Variants in CORIN observed in about 807,000 individuals in gnomAD.
CORIN encodes the protein corin, serine peptidase, also known as atrial natriuretic peptide-converting enzyme.
A neutral mutation model predicts 125.3 loss-of-function variants in CORIN; 117 were observed. That is an observed-to-expected ratio of 0.93 (90% CI 0.80 to 1.09). The LOEUF is 1.09. CORIN is among the 50% of genes least tolerant of loss of function. The pLI, the probability that CORIN is intolerant of heterozygous loss-of-function variation, is 0.00. For missense variants in CORIN, 1,253 were observed against 1,306.7 expected, an observed-to-expected ratio of 0.96 and a Z score of 0.63; for synonymous variants, 450 against 466.4, an observed-to-expected ratio of 0.96 and a Z score of 0.45.
intron 4 of CORIN, among the ~76,000 whole-genome samples, chr4:47,747,702 A>C (rs1024554757): frequency 1.3e-5 from 2 of 152,200 alleles, no homozygotes; most frequent in Non-Finnish European, 2.9e-5. Context: ...GGAAAGCCTC[A>C]GTCTATCACC....
At position 47,744,597 on chromosome 4, in the gene CORIN, A is replaced by AAAG; in HGVS notation, c.618-15_618-14insCTT. On this transcript the variant is annotated splice_polypyrimidine_tract_variant and intron_variant, in intron 4 of 21. Transcript: ENST00000273857. ...AGGAGTCCATGACTAAAAAAAAAAAAAGAGAAAGGTGAAAATTAGTGTCTT... is the reference window on the plus strand; with the variant it reads ...AGGAGTCCATGACTAAAAAAAAAAAAAAGAGAGAAAGGTGAAAATTAGTGTCTT... The AAAG allele has an allele frequency of 6.4e-7, 1 of 1,552,352 alleles. No individual in the cohort carries two copies. Among genetic ancestry groups the AAAG allele is most frequent in the Non-Finnish European group, 8.7e-7 (1 of 1,152,750 alleles).
chr4:47,648,551 C>T (rs1723595851), intron 13 of CORIN, among the ~76,000 whole-genome samples: 1 of 152,114 alleles, frequency 6.6e-6, no homozygotes, highest in African/African-American at 2.4e-5. Flanking sequence ...GGCAGTACCC[C>T]CCCACCCCCA....
intron 1 of CORIN, among the ~76,000 whole-genome samples, chr4:47,807,915 T>G (rs1176725952): frequency 2.6e-5 from 4 of 152,204 alleles, no homozygotes; most frequent in Non-Finnish European, 5.9e-5. Flanking sequence ...TTCTCATGAT[T>G]CTCTCTTGGA....
chr4:47,641,103 G>T (rs1577771770), intron 16 of CORIN, among the ~76,000 whole-genome samples: 1 of 152,206 alleles, frequency 6.6e-6, no homozygotes, highest in East Asian at 1.9e-4. Context: ...TTTAAACTAG[G>T]ATAACAAAAA....
At chr4:47,689,021 C>A (rs1042832323) in intron 6 of CORIN, among the ~76,000 whole-genome samples, 2 of 152,132 alleles carry the variant, frequency 1.3e-5, no homozygotes, top group Non-Finnish European at 2.9e-5. Flanking sequence ...TCTAAAATAG[C>A]TTCACGTGGT....
intron 13 of CORIN, among the ~76,000 whole-genome samples, chr4:47,648,067 AAG>A (rs886993916): frequency 5.9e-5 from 9 of 152,318 alleles, no homozygotes; most frequent in African/African-American, 1.9e-4. Context: ...GTAGGATAAA[AAG>A]AGAGAGATAT....
intron 5 of CORIN, among the ~76,000 whole-genome samples, chr4:47,734,833 T>C (rs1028495033): frequency 6.6e-6 from 1 of 152,162 alleles, no homozygotes; most frequent in Non-Finnish European, 1.5e-5. Flanking sequence ...TAGTAGCAAC[T>C]CCCCCTGTTC....
chr4:47,802,052 T>G (rs1372023864), intron 2 of CORIN, among the ~76,000 whole-genome samples: 5 of 152,206 alleles, frequency 3.3e-5, no homozygotes, highest in African/African-American at 1.2e-4. Flanking sequence ...AGTGCTGATC[T>G]GTCACAGCAG....
intron 12 of CORIN, among the ~76,000 whole-genome samples, chr4:47,655,241 C>T (rs1258740820): frequency 6.6e-6 from 1 of 151,964 alleles, no homozygotes; most frequent in African/African-American, 2.4e-5. Context: ...TAACTCAGCA[C>T]ATTCCCAGCT....
intron 13 of CORIN, among the ~76,000 whole-genome samples, chr4:47,651,743 C>T (rs1363477175): frequency 1.3e-5 from 2 of 152,098 alleles, no homozygotes; most frequent in Non-Finnish European, 2.9e-5. Context: ...TTTTGATGTG[C>T]CTTTAATTGT....
At chr4:47,602,265 C>T (rs1185101840) in intron 20 of CORIN, among the ~76,000 whole-genome samples, 3 of 151,898 alleles carry the variant, frequency 2.0e-5, no homozygotes, top group Non-Finnish European at 4.4e-5. Context: ...AGTGAGACTC[C>T]GTCTCAAAAA....
intron 3 of CORIN, among the ~76,000 whole-genome samples, chr4:47,771,093 C>T (rs1051362398): frequency 5.3e-5 from 8 of 152,078 alleles, no homozygotes; most frequent in African/African-American, 1.9e-4. Context: ...GATGTTACAA[C>T]AACTTTTTTC....
At chr4:47,653,045 G>A (rs892518650) in intron 13 of CORIN, among the ~76,000 whole-genome samples, 3 of 152,088 alleles carry the variant, frequency 2.0e-5, no homozygotes, top group Non-Finnish European at 4.4e-5. Flanking sequence ...GTTATCCCTG[G>A]TTAAGCATGG....
chr4:47,656,491 C>G (rs959300027), intron 12 of CORIN, among the ~76,000 whole-genome samples: 2 of 152,004 alleles, frequency 1.3e-5, no homozygotes, highest in African/African-American at 4.8e-5. Context: ...GTAACATATG[C>G]AAATCAATCA....
intron 1 of CORIN, among the ~76,000 whole-genome samples, chr4:47,836,133 C>T (rs1733389193): frequency 5.9e-5 from 9 of 152,102 alleles, no homozygotes; most frequent in Admixed American, 5.9e-4. Context: ...GAAAACCTGC[C>T]TGGTCAGCCA....
At chr4:47,765,171 C>A (rs964634779) in intron 3 of CORIN, among the ~76,000 whole-genome samples, 7 of 151,406 alleles carry the variant, frequency 4.6e-5, no homozygotes, top group African/African-American at 1.7e-4. Flanking sequence ...ATTAGCCGGG[C>A]GTGGTGGCGG....
At chr4:47,645,381 G>A (rs934727708) in intron 13 of CORIN, among the ~76,000 whole-genome samples, 187 bp from the exon 14 acceptor site, 1 of 150,706 alleles carries the variant, frequency 6.6e-6, no homozygotes, top group African/African-American at 2.4e-5. Context: ...AACCCGGGAG[G>A]CGGAGGTTGC....
intron 3 of CORIN, among the ~76,000 whole-genome samples, chr4:47,778,637 G>A (rs921806563): frequency 2.0e-5 from 3 of 152,280 alleles, no homozygotes; most frequent in South Asian, 2.1e-4. Flanking sequence ...AGCATGCAAC[G>A]ATTACTTAAA....
chr4:47,710,827 G>A (rs902951097), intron 5 of CORIN, among the ~76,000 whole-genome samples: 4 of 152,230 alleles, frequency 2.6e-5, no homozygotes, highest in African/African-American at 4.8e-5. Context: ...TGATGCACAC[G>A]CTATACCATC....
Sources: gnomAD v4.1 joint callset for allele counts (sites outside exome capture counted in the v4.1 genomes callset) on GRCh38, gnomAD v4.1.1 for gene constraint, MANE v1.5 for transcripts, NCBI Gene and HGNC (gene_info 2026-07-23, HGNC 2026-07-21) for gene names.